The following LPAR1 variants were observed in gnomAD, a reference collection of about 807,000 sequenced individuals.
The protein encoded by LPAR1 is lysophosphatidic acid receptor 1.
In LPAR1, 5 loss-of-function variants were observed where a neutral mutation model predicts 23.8. That is an observed-to-expected ratio of 0.21 (90% CI 0.11 to 0.44). LPAR1 has a LOEUF of 0.44. Among genes scored for constraint, LPAR1 ranks in the 20% least tolerant of loss-of-function variants. The pLI is 0.99. For missense variants in LPAR1, 311 were observed against 482.8 expected, an observed-to-expected ratio of 0.64 and a Z score of 3.33; for synonymous variants, 160 against 164.7, an observed-to-expected ratio of 0.97 and a Z score of 0.22.
intron 2 of LPAR1, among the ~76,000 whole-genome samples, chr9:110,986,738 A>G (rs2096790385): frequency 6.6e-6 from 1 of 152,122 alleles, no homozygotes; most frequent in Non-Finnish European, 1.5e-5. Context: ...GGCTGTGGTA[A>G]GTAAAGTGAT....
chr9:110,879,215 G>C (rs1360410375), intron 5 of LPAR1, among the ~76,000 whole-genome samples: 1 of 151,954 alleles, frequency 6.6e-6, no homozygotes, highest in East Asian at 1.9e-4. Flanking sequence ...TCAGGAGTTT[G>C]AGACCAGCCT....
chr9:111,022,669 A>G (rs1028998428), intron 2 of LPAR1, among the ~76,000 whole-genome samples: 1 of 152,186 alleles, frequency 6.6e-6, no homozygotes, highest in Non-Finnish European at 1.5e-5. Flanking sequence ...TATATTATAT[A>G]AAAGTATTTT....
At chr9:110,993,455 C>T (rs565156578) in intron 2 of LPAR1, among the ~76,000 whole-genome samples, 1 of 152,160 alleles carries the variant, frequency 6.6e-6, no homozygotes, top group East Asian at 1.9e-4. Context: ...TCCTCAGTGG[C>T]TCCAAGGGCA....
intron 5 of LPAR1, among the ~76,000 whole-genome samples, chr9:110,928,415 T>G (rs1397437320): frequency 6.6e-6 from 1 of 152,180 alleles, no homozygotes; most frequent in Non-Finnish European, 1.5e-5. Flanking sequence ...ATATTTTGTT[T>G]CTATAGCATG....
At chr9:110,876,385 T>C (rs936131721) in intron 5 of LPAR1, among the ~76,000 whole-genome samples, 5 of 152,244 alleles carry the variant, frequency 3.3e-5, no homozygotes, top group African/African-American at 1.2e-4. Context: ...TGATTTTCAA[T>C]GACAAGATCT....
At chr9:110,897,353 C>A (rs1242904121) in intron 5 of LPAR1, among the ~76,000 whole-genome samples, 1 of 152,178 alleles carries the variant, frequency 6.6e-6, no homozygotes, top group Non-Finnish European at 1.5e-5. Flanking sequence ...TAAGATGTGA[C>A]TTGCTCCTCC....
rs535818497 is a variant in LPAR1 at position 110,902,077 on chromosome 9, A to C, written c.794-26355T>G. Among the ~76,000 whole-genome samples the C allele has an allele frequency of 2.6e-5, 4 of 152,250 alleles. No individual in the cohort carries two copies. The South Asian group carries it at 8.3e-4, about 32-fold the overall frequency. On this transcript the variant is annotated intron_variant, in intron 5 of 5. Transcript: ENST00000683809. ...GGTTAGAGACCCTACAACCAGAGGA[A>C]TGTCACAGTGACAGTGTCTTACAAC...
intron 5 of LPAR1, among the ~76,000 whole-genome samples, chr9:110,884,439 C>G (rs1177578299): frequency 6.6e-6 from 1 of 152,162 alleles, no homozygotes; most frequent in African/African-American, 2.4e-5. Context: ...TTATTGTTTA[C>G]TTCTGTCATC....
At chr9:110,922,251 C>A (rs572035123) in intron 5 of LPAR1, among the ~76,000 whole-genome samples, 286 of 152,242 alleles carry the variant, frequency 1.9e-3, no homozygotes, top group South Asian at 0.018. Flanking sequence ...AATTTGAGGG[C>A]AGCTAACACT....
intron 5 of LPAR1, among the ~76,000 whole-genome samples, chr9:110,898,428 G>A (rs903609587): frequency 6.6e-6 from 1 of 152,124 alleles, no homozygotes; most frequent in African/African-American, 2.4e-5. Flanking sequence ...TACTAGTATT[G>A]TAGTGACAGC....
chr9:110,952,861 C>G (rs1258356310), intron 4 of LPAR1, among the ~76,000 whole-genome samples: 1 of 152,136 alleles, frequency 6.6e-6, no homozygotes, highest in African/African-American at 2.4e-5. Flanking sequence ...CCACTGTCTA[C>G]CTCCAGTGCT....
chr9:110,959,899 A>C (rs1351612298), intron 4 of LPAR1, among the ~76,000 whole-genome samples: 1 of 152,210 alleles, frequency 6.6e-6, no homozygotes, highest in Non-Finnish European at 1.5e-5. Flanking sequence ...AGCCAGACAC[A>C]GAATGACAAA....
intron 2 of LPAR1, among the ~76,000 whole-genome samples, chr9:111,014,893 T>C (rs1461586698): frequency 6.6e-6 from 1 of 151,948 alleles, no homozygotes; most frequent in Admixed American, 6.6e-5. Context: ...GAAATTCATA[T>C]GTTGAGGTCC....
intron 5 of LPAR1, among the ~76,000 whole-genome samples, chr9:110,907,133 C>A (rs184124601): frequency 6.6e-6 from 1 of 152,066 alleles, no homozygotes; most frequent in African/African-American, 2.4e-5. Flanking sequence ...GATAATACTA[C>A]CTCTGAGAAA....
At chr9:110,892,987 G>A (rs1336941800) in intron 5 of LPAR1, among the ~76,000 whole-genome samples, 1 of 152,166 alleles carries the variant, frequency 6.6e-6, no homozygotes, top group Non-Finnish European at 1.5e-5. Context: ...TGTTGATCCA[G>A]GGATGAAATG....
chr9:110,882,180 A>G (rs72762393), intron 5 of LPAR1, among the ~76,000 whole-genome samples: 1 of 152,098 alleles, frequency 6.6e-6, no homozygotes, highest in African/African-American at 2.4e-5. Flanking sequence ...CTTTATTTAT[A>G]CCCAAAATTA....
chr9:110,964,469 A>T (rs994593136), intron 4 of LPAR1, among the ~76,000 whole-genome samples: 1 of 152,192 alleles, frequency 6.6e-6, no homozygotes, highest in Non-Finnish European at 1.5e-5. Flanking sequence ...ATATTAACAT[A>T]AGGGGATTTT....
At chr9:111,007,409 A>G (rs1053444221) in intron 2 of LPAR1, among the ~76,000 whole-genome samples, 4 of 152,212 alleles carry the variant, frequency 2.6e-5, no homozygotes, top group Admixed American at 2.0e-4. Context: ...AATTATATGT[A>G]TTAAATATAT....
chr9:110,964,157 A>G (rs149246353), intron 4 of LPAR1, among the ~76,000 whole-genome samples: 8 of 152,212 alleles, frequency 5.3e-5, no homozygotes, highest in Non-Finnish European at 1.2e-4. Flanking sequence ...TCAGTTGTGA[A>G]ATATTCTAGT....
Sources: gnomAD v4.1 joint callset for allele counts (sites outside exome capture counted in the v4.1 genomes callset) on GRCh38, gnomAD v4.1.1 for gene constraint, MANE v1.5 for transcripts, NCBI Gene and HGNC (gene_info 2026-07-23, HGNC 2026-07-21) for gene names.